DLGAP1: variants seen among roughly 807,000 people sequenced by gnomAD.
The protein encoded by DLGAP1 is disks large-associated protein 1.
In DLGAP1, 11 loss-of-function variants were observed where a neutral mutation model predicts 90.8. That is an observed-to-expected ratio of 0.12 (90% CI 0.08 to 0.20). The LOEUF is 0.20. Ranked by LOEUF, DLGAP1 falls within the 10% of genes least tolerant of loss-of-function variation. DLGAP1 has a pLI of 1.00. For synonymous variants in DLGAP1, 558 were observed against 540.7 expected (o/e 1.03, Z -0.44); for missense variants, 1,050 against 1,333.8 (o/e 0.79, Z 3.31).
rs959842759 is a variant in DLGAP1 at position 4,270,719 on chromosome 18, G to A, written c.-266-119432C>T. 9.2e-5 allele frequency among the ~76,000 whole-genome samples: 14 copies of A among 152,172 alleles called. No individual in the cohort carries two copies. In the East Asian group the frequency reaches 2.3e-3, roughly 25 times the overall value. On this transcript the variant is annotated intron_variant, in intron 1 of 12. Transcript: ENST00000315677. ...AGCATTCTATGGCTATTACTAGTAG[G>A]TTCAATTTTAATTTAGTAATCAGGT...
chr18:3,745,636 A>G (rs2147745146), intron 5 of DLGAP1, among the ~76,000 whole-genome samples: 1 of 152,316 alleles, frequency 6.6e-6, no homozygotes, highest in South Asian at 2.1e-4. Context: ...AAAAATAAAT[A>G]AAAAACAAGG....
At chr18:4,453,763 C>T (rs1321485834) in intron 1 of DLGAP1, among the ~76,000 whole-genome samples, 1 of 152,142 alleles carries the variant, frequency 6.6e-6, no homozygotes, top group Non-Finnish European at 1.5e-5. Context: ...CTCGTAATTC[C>T]CTAACTTCAC....
chr18:3,887,838 G>A (rs1178471244), intron 3 of DLGAP1, among the ~76,000 whole-genome samples: 1 of 152,116 alleles, frequency 6.6e-6, no homozygotes, highest in Non-Finnish European at 1.5e-5. Context: ...GCCGGGGGCA[G>A]TGGCTCATGC....
chr18:4,281,409 C>G (rs1454993760), intron 1 of DLGAP1, among the ~76,000 whole-genome samples: 4 of 152,080 alleles, frequency 2.6e-5, no homozygotes, highest in Non-Finnish European at 5.9e-5. Flanking sequence ...AAAAACTTAG[C>G]TGGGCATGGT....
chr18:4,300,254 T>C (rs2080090568), intron 1 of DLGAP1, among the ~76,000 whole-genome samples: 1 of 152,222 alleles, frequency 6.6e-6, no homozygotes, highest in Non-Finnish European at 1.5e-5. Context: ...ACATATTTTG[T>C]CTTATTTTGA....
intron 1 of DLGAP1, among the ~76,000 whole-genome samples, chr18:4,298,442 C>T (rs2080037714): frequency 6.6e-6 from 1 of 152,078 alleles, no homozygotes; most frequent in African/African-American, 2.4e-5. Context: ...ACTATGCAGC[C>T]ATAAAAAATG....
chr18:4,230,748 A>G (rs183950200), intron 1 of DLGAP1, among the ~76,000 whole-genome samples: 1 of 150,580 alleles, frequency 6.6e-6, no homozygotes, highest in East Asian at 1.9e-4. Flanking sequence ...ATAATTGTAC[A>G]TTTTAAGATA....
intron 1 of DLGAP1, among the ~76,000 whole-genome samples, chr18:4,177,349 TG>T: frequency 8.2e-6 from 1 of 122,640 alleles, no homozygotes; most frequent in Non-Finnish European, 1.6e-5. Context: ...TGACTTTCTT[TG>T]AACACACACA....
At chr18:4,225,209 G>T (rs1444486063) in intron 1 of DLGAP1, among the ~76,000 whole-genome samples, 1 of 152,114 alleles carries the variant, frequency 6.6e-6, no homozygotes, top group Non-Finnish European at 1.5e-5. Context: ...TATGAGGCTG[G>T]AAGAGTCACA....
intron 3 of DLGAP1, among the ~76,000 whole-genome samples, chr18:4,004,199 G>T (rs916748033): frequency 6.6e-6 from 1 of 152,162 alleles, no homozygotes; most frequent in Admixed American, 6.5e-5. Context: ...TATTGTGGAT[G>T]ATGTATCTTC....
chr18:3,926,976 C>A (rs2072406336), intron 3 of DLGAP1, among the ~76,000 whole-genome samples: 1 of 152,048 alleles, frequency 6.6e-6, no homozygotes, highest in African/African-American at 2.4e-5. Flanking sequence ...TGAAGGTGCT[C>A]CCTGTCACCA....
chr18:4,278,750 A>ACACACC (rs1235390509), intron 1 of DLGAP1, among the ~76,000 whole-genome samples: 4 of 110,594 alleles, frequency 3.6e-5, no homozygotes, highest in African/African-American at 2.2e-4. Flanking sequence ...AATGTTATAC[A>ACACACC]CACACACACA....
intron 4 of DLGAP1, among the ~76,000 whole-genome samples, chr18:3,841,232 C>T (rs2068698559): frequency 6.6e-6 from 1 of 152,136 alleles, no homozygotes; most frequent in African/African-American, 2.4e-5. Flanking sequence ...AAAATAATGC[C>T]TGTTTAAAAG....
chr18:3,529,555 A>G (rs1321376597), intron 10 of DLGAP1, among the ~76,000 whole-genome samples: 1 of 152,232 alleles, frequency 6.6e-6, no homozygotes, highest in Non-Finnish European at 1.5e-5. Context: ...AAGGACTCAA[A>G]TACATATTTA....
intron 7 of DLGAP1, chr18:3,708,450 G>T: frequency 2.2e-6 from 1 of 456,678 alleles, no homozygotes; most frequent in Non-Finnish European, 4.4e-6. Flanking sequence ...GGGTGGAGGA[G>T]TCATGTCTTC....
At chr18:4,361,724 A>G (rs1195524566) in intron 1 of DLGAP1, among the ~76,000 whole-genome samples, 1 of 152,222 alleles carries the variant, frequency 6.6e-6, no homozygotes, top group Non-Finnish European at 1.5e-5. Flanking sequence ...GGCACAGGCA[A>G]CAAAAAATAA....
chr18:3,994,418 C>T (rs868649983), intron 3 of DLGAP1, among the ~76,000 whole-genome samples: 37 of 152,332 alleles, frequency 2.4e-4, no homozygotes, highest in African/African-American at 8.4e-4. Flanking sequence ...CTTAACCCTG[C>T]TCCCTGCTCT....
chr18:4,076,692 C>T (rs950338181), intron 2 of DLGAP1, among the ~76,000 whole-genome samples: 2 of 151,988 alleles, frequency 1.3e-5, no homozygotes, highest in Non-Finnish European at 2.9e-5. Context: ...GGCGTGATCT[C>T]GGCTCACTGC....
At chr18:3,532,563 A>C (rs1457201667) in intron 10 of DLGAP1, among the ~76,000 whole-genome samples, 33 of 151,282 alleles carry the variant, frequency 2.2e-4, no homozygotes, top group Non-Finnish European at 3.0e-5. Context: ...GGGCAACAAG[A>C]CCAAAACTCC....
Sources: allele counts gnomAD v4.1 joint callset (sites outside exome capture counted in the v4.1 genomes callset), GRCh38; gene constraint gnomAD v4.1.1; transcripts MANE v1.5; gene names NCBI Gene and HGNC (gene_info 2026-07-23, HGNC 2026-07-21).